The following HELZ variants were observed in gnomAD, a reference collection of about 807,000 sequenced individuals.
The protein encoded by HELZ is ATP-dependent RNA helicase with zinc finger domain.
In HELZ, 23 loss-of-function variants were observed where a neutral mutation model predicts 218.2. The ratio of observed to expected loss-of-function variants is 0.11; its 90% CI spans 0.08 to 0.15. HELZ has a LOEUF of 0.15. Ranked by LOEUF, HELZ falls within the 10% of genes least tolerant of loss-of-function variation. HELZ has a pLI of 1.00. For missense variants in HELZ, 1,813 were observed against 2,353.7 expected (o/e 0.77, Z 4.75); for synonymous variants, 814 against 829.4 (o/e 0.98, Z 0.32).
chr17:67,200,982 C>T (rs1269928294), intron 7 of HELZ, 147 bp downstream of exon 7: 13 of 695,450 alleles, frequency 1.9e-5, no homozygotes, highest in African/African-American at 5.2e-5. Flanking sequence ...ATGGGGGTTA[C>T]GAGGGAAGGC....
intron 32 of HELZ, among the ~76,000 whole-genome samples, chr17:67,078,930 C>T (rs1387231416): frequency 1.3e-5 from 2 of 152,200 alleles, no homozygotes; most frequent in African/African-American, 4.8e-5. Flanking sequence ...CAGGCACATG[C>T]TCTCTCTTAA....
rs751433254 is a variant in HELZ at position 67,128,625 on chromosome 17, T to G, written c.3387+26A>C. ...TGCGAAGTTTTCTCCCTTTAACCTC[T>G]TCAATTTCATTAACAGAGGCTTTAC... On this transcript the variant is annotated intron_variant, in intron 24 of 32. Coordinates refer to ENST00000358691, the MANE Select transcript of HELZ (RefSeq NM_014877.4). 2.5e-6 allele frequency: 4 copies of G among 1,603,278 alleles called. No individual in the cohort carries two copies. In the South Asian group the frequency reaches 4.4e-5, roughly 18 times the overall value.
At chr17:67,103,172 C>T (rs568314357) in intron 31 of HELZ, among the ~76,000 whole-genome samples, 1 of 152,026 alleles carries the variant, frequency 6.6e-6, no homozygotes, top group East Asian at 1.9e-4. Flanking sequence ...TCCATAAAAA[C>T]AGAAAAAAAT....
At chr17:67,105,483 G>A (rs2037072715) in intron 31 of HELZ, among the ~76,000 whole-genome samples, 1 of 152,210 alleles carries the variant, frequency 6.6e-6, no homozygotes, top group Non-Finnish European at 1.5e-5. Context: ...TTGCTTAACA[G>A]TTATGGGGTT....
At chr17:67,119,228 A>G (rs2037523072) in intron 27 of HELZ, among the ~76,000 whole-genome samples, 1 of 152,244 alleles carries the variant, frequency 6.6e-6, no homozygotes, top group Admixed American at 6.5e-5. Flanking sequence ...ATAAGGGCCA[A>G]AAATTAGATA....
At chr17:67,095,537 G>C (rs570747809) in intron 31 of HELZ, among the ~76,000 whole-genome samples, 1 of 152,304 alleles carries the variant, frequency 6.6e-6, no homozygotes, top group South Asian at 2.1e-4. Context: ...GACGAAGCAA[G>C]ACCCTTCTCT....
At chr17:67,184,436 A>C (rs2039695967) in intron 12 of HELZ, among the ~76,000 whole-genome samples, 1 of 152,202 alleles carries the variant, frequency 6.6e-6, no homozygotes, top group Non-Finnish European at 1.5e-5. Flanking sequence ...TTGCTTAAAA[A>C]CAATGAACAC....
chr17:67,113,251 G>A (rs1464973135), intron 28 of HELZ, among the ~76,000 whole-genome samples: 1 of 151,990 alleles, frequency 6.6e-6, no homozygotes, highest in Non-Finnish European at 1.5e-5. Context: ...TGTGGTAGTT[G>A]AAGAGGAGAG....
intron 19 of HELZ, among the ~76,000 whole-genome samples, chr17:67,149,246 T>C (rs1199665793): frequency 6.6e-6 from 1 of 152,194 alleles, no homozygotes; most frequent in Non-Finnish European, 1.5e-5. Flanking sequence ...ACAGAGCTTG[T>C]TCCTCTACAT....
chr17:67,168,970 T>C (rs1323698944), intron 13 of HELZ, among the ~76,000 whole-genome samples: 5 of 152,106 alleles, frequency 3.3e-5, no homozygotes, highest in African/African-American at 7.2e-5. Flanking sequence ...CAGGCACTTG[T>C]AATCCCAGCT....
At chr17:67,103,121 T>C (rs939772936) in intron 31 of HELZ, among the ~76,000 whole-genome samples, 2 of 152,112 alleles carry the variant, frequency 1.3e-5, no homozygotes, top group Admixed American at 6.5e-5. Flanking sequence ...ATAAGTGATA[T>C]CAGCAAAAAT....
chr17:67,093,974 C>G (rs888970644), intron 31 of HELZ, among the ~76,000 whole-genome samples: 1 of 149,908 alleles, frequency 6.7e-6, no homozygotes, highest in African/African-American at 2.5e-5. Context: ...TTAAAAGATA[C>G]AGACCAAACT....
At chr17:67,182,306 A>G (rs1444466072) in intron 12 of HELZ, among the ~76,000 whole-genome samples, 2 of 152,080 alleles carry the variant, frequency 1.3e-5, no homozygotes, top group Non-Finnish European at 2.9e-5. Flanking sequence ...ATAGCCGGGT[A>G]TGATAGCTCG....
At chr17:67,136,937 C>T (rs1168299987) in intron 22 of HELZ, among the ~76,000 whole-genome samples, 1 of 151,940 alleles carries the variant, frequency 6.6e-6, no homozygotes, top group Non-Finnish European at 1.5e-5. Flanking sequence ...TTAAAATGGT[C>T]AATTTTACAT....
At chr17:67,244,683 C>A in intron 1 of HELZ, 1 of 982,054 alleles carries the variant, frequency 1.0e-6, no homozygotes, top group Non-Finnish European at 1.2e-6. Context: ...CCCGCTCCAG[C>A]CCCCACCCCA....
At chr17:67,157,647 C>G (rs1422649559) in intron 17 of HELZ, among the ~76,000 whole-genome samples, 1 of 151,970 alleles carries the variant, frequency 6.6e-6, no homozygotes, top group Non-Finnish European at 1.5e-5. Flanking sequence ...AGAAAGAAAC[C>G]AATCCACATA....
chr17:67,160,429 CAAA>C, intron 16 of HELZ, 67 bp from the exon 17 acceptor site: 1 of 887,756 alleles, frequency 1.1e-6, no homozygotes, highest in Non-Finnish European at 1.7e-6. Flanking sequence ...AGTATAATAC[CAAA>C]AAAAAAAGCA....
intron 23 of HELZ, among the ~76,000 whole-genome samples, chr17:67,135,691 T>C (rs1281995980): frequency 1.3e-5 from 2 of 152,244 alleles, no homozygotes; most frequent in Non-Finnish European, 2.9e-5. Flanking sequence ...GGCAGAGATC[T>C]TTGTCTATTT....
chr17:67,131,331 G>A (rs889063745), intron 23 of HELZ, among the ~76,000 whole-genome samples: 3 of 152,012 alleles, frequency 2.0e-5, no homozygotes, highest in Non-Finnish European at 2.9e-5. Flanking sequence ...GACCTTGACC[G>A]CAATGAACAG....
Sources: allele counts gnomAD v4.1 joint callset (sites outside exome capture counted in the v4.1 genomes callset), GRCh38; gene constraint gnomAD v4.1.1; transcripts MANE v1.5; gene names NCBI Gene and HGNC (gene_info 2026-07-23, HGNC 2026-07-21).